Variants in LUZP2 observed in about 807,000 individuals in gnomAD.
LUZP2 encodes leucine zipper protein 2.
Under a neutral mutation model 51.6 loss-of-function variants are expected in LUZP2, and 52 were observed. That is an observed-to-expected ratio of 1.01 (90% CI 0.81 to 1.27). The LOEUF (loss-of-function observed/expected upper bound fraction) is 1.27. Among genes scored for constraint, LUZP2 ranks in the 50% most tolerant of loss-of-function variants. LUZP2 has a pLI of 0.00. For missense variants in LUZP2, 436 were observed against 395.4 expected (o/e 1.10, Z -0.87); for synonymous variants, 154 against 137.3 (o/e 1.12, Z -0.85).
chr11:25,023,119 T>G lies in LUZP2; in HGVS notation c.766-26919T>G, dbSNP rs576034146. Among the ~76,000 whole-genome samples, 5 of 152,228 alleles carry G rather than the reference T, an allele frequency of 3.3e-5. No individual in the cohort carries two copies. In the South Asian group the frequency reaches 1.0e-3, roughly 32 times the overall value. On this transcript the variant is annotated intron_variant, in intron 9 of 11. Coordinates refer to ENST00000336930, the MANE Select transcript of LUZP2 (RefSeq NM_001009909.4). ...TTGGTCTGAAATTCTCTTTTTTTTG[T>G]TGTGTCTCTGCCAGGCTTTGGTGTC... is the stretch of plus-strand genomic sequence containing the variant.
chr11:25,021,133 T>C (rs1306273037), intron 9 of LUZP2, among the ~76,000 whole-genome samples: 2 of 152,062 alleles, frequency 1.3e-5, no homozygotes, highest in African/African-American at 4.8e-5. Context: ...AGAGGTTTTA[T>C]TATAGTAGGG....
At chr11:24,543,949 C>T (rs78761701) in intron 1 of LUZP2, among the ~76,000 whole-genome samples, 3,940 of 151,500 alleles carry the variant, frequency 0.026, 143 homozygotes, top group African/African-American at 0.074. Flanking sequence ...TTGAGCAGTT[C>T]GGTCATTGTG....
intron 9 of LUZP2, among the ~76,000 whole-genome samples, chr11:25,011,055 G>C (rs1856970832): frequency 6.6e-6 from 1 of 152,078 alleles, no homozygotes. Flanking sequence ...CAATATTGAT[G>C]TCATCAAATG....
intron 1 of LUZP2, among the ~76,000 whole-genome samples, chr11:24,527,599 A>G (rs867379296): frequency 8.1e-5 from 12 of 148,838 alleles, no homozygotes; most frequent in African/African-American, 3.0e-4. Flanking sequence ...ACACACACAC[A>G]TTTATTTGTT....
chr11:24,849,935 G>GTGTC (rs1265967969), intron 5 of LUZP2, among the ~76,000 whole-genome samples: 1 of 152,148 alleles, frequency 6.6e-6, no homozygotes, highest in Non-Finnish European at 1.5e-5. Flanking sequence ...CTTTTGAAAA[G>GTGTC]TGTCTGTTTA....
chr11:24,726,844 A>G (rs1397162736), intron 1 of LUZP2, among the ~76,000 whole-genome samples: 1 of 152,032 alleles, frequency 6.6e-6, no homozygotes, highest in Admixed American at 6.6e-5. Flanking sequence ...ATGAACATAC[A>G]CTCATTTGTA....
At chr11:24,972,503 A>G (rs1177813366) in intron 7 of LUZP2, among the ~76,000 whole-genome samples, 1 of 152,086 alleles carries the variant, frequency 6.6e-6, no homozygotes. Context: ...TAGTACTCCA[A>G]TTTCAATGTG....
chr11:24,918,596 G>A (rs1033787484), intron 7 of LUZP2, among the ~76,000 whole-genome samples: 1 of 151,000 alleles, frequency 6.6e-6, no homozygotes, highest in South Asian at 2.1e-4. Flanking sequence ...CAAACCCACA[G>A]CCAAAATCAT....
chr11:24,654,621 G>A (rs567705479), intron 1 of LUZP2, among the ~76,000 whole-genome samples: 1 of 151,736 alleles, frequency 6.6e-6, no homozygotes, highest in South Asian at 2.1e-4. Context: ...TCCTGCCTCA[G>A]CACTCCCACC....
intron 9 of LUZP2, among the ~76,000 whole-genome samples, chr11:24,990,858 T>C (rs1856313156): frequency 6.6e-6 from 1 of 152,082 alleles, no homozygotes; most frequent in Non-Finnish European, 1.5e-5. Flanking sequence ...CTCATAATGC[T>C]GGTGAACTTC....
intron 3 of LUZP2, among the ~76,000 whole-genome samples, chr11:24,733,032 G>T (rs543578657): frequency 4.8e-5 from 7 of 145,436 alleles, no homozygotes; most frequent in African/African-American, 1.7e-4. Context: ...CTGTTTCAAA[G>T]TTTACACACA....
chr11:25,055,715 G>A (rs55845714), intron 10 of LUZP2, among the ~76,000 whole-genome samples: 1 of 152,260 alleles, frequency 6.6e-6, no homozygotes, highest in African/African-American at 2.4e-5. Flanking sequence ...GTTCAACAAT[G>A]ACGAATGGAA....
intron 7 of LUZP2, among the ~76,000 whole-genome samples, chr11:24,926,345 G>GTATATATATACGTGTGTGTA (rs1854247332): frequency 2.2e-5 from 1 of 44,984 alleles, no homozygotes; most frequent in Admixed American, 2.7e-4. Context: ...ATATACGTGT[G>GTATATATATACGTGTGTGTA]TATATATATA....
chr11:24,568,355 G>GAAA (rs35908367), intron 1 of LUZP2, among the ~76,000 whole-genome samples: 3 of 127,226 alleles, frequency 2.4e-5, no homozygotes, highest in Admixed American at 7.8e-5. Context: ...ATCTGTCTCA[G>GAAA]AAAAAAAAAA....
intron 1 of LUZP2, among the ~76,000 whole-genome samples, chr11:24,674,167 GA>G (rs1403175400): frequency 6.6e-6 from 1 of 152,084 alleles, no homozygotes; most frequent in Non-Finnish European, 1.5e-5. Flanking sequence ...TGTAGAGTGG[GA>G]ATTAGTAGAC....
intron 1 of LUZP2, among the ~76,000 whole-genome samples, chr11:24,606,911 T>A (rs960036812): frequency 6.8e-6 from 1 of 147,702 alleles, no homozygotes; most frequent in African/African-American, 2.7e-5. Context: ...ATTGAGTAGA[T>A]TTTTATATAT....
At chr11:24,707,781 A>G (rs1857648272) in intron 1 of LUZP2, among the ~76,000 whole-genome samples, 1 of 152,172 alleles carries the variant, frequency 6.6e-6, no homozygotes, top group Non-Finnish European at 1.5e-5. Flanking sequence ...GGTACCGCAA[A>G]AGAAATAGCA....
rs146299768 is a variant in LUZP2, at chr11:24,967,259, A to G, written c.523-9332A>G. ...GGGAATTACAGTCTGTTTGTATTTTATCTGTACATTCATTAATTTAGGGAG... is the reference window on the plus strand; with the variant it reads ...GGGAATTACAGTCTGTTTGTATTTTGTCTGTACATTCATTAATTTAGGGAG... On this transcript the variant is annotated intron_variant, in intron 7 of 11. Coordinates refer to ENST00000336930, the MANE Select transcript of LUZP2 (RefSeq NM_001009909.4). Among the ~76,000 whole-genome samples, 422 of 152,068 alleles carry G rather than the reference A, an allele frequency of 2.8e-3. 2 individuals carry two copies. Among genetic ancestry groups the G allele is most frequent in the African/African-American group, 9.6e-3 (397 of 41,568 alleles).
intron 10 of LUZP2, among the ~76,000 whole-genome samples, chr11:25,052,903 T>A (rs972960): frequency 0.92 from 139,791 of 152,142 alleles, 64,934 homozygotes; most frequent in East Asian, 0.99. Flanking sequence ...ATTTAGTTTT[T>A]AACAAGGACA....
Sources: gnomAD v4.1 joint callset for allele counts (sites outside exome capture counted in the v4.1 genomes callset) on GRCh38, gnomAD v4.1.1 for gene constraint, MANE v1.5 for transcripts, NCBI Gene and HGNC (gene_info 2026-07-23, HGNC 2026-07-21) for gene names.